The following HDAC9 variants were observed in gnomAD, a reference collection of about 807,000 sequenced individuals.
HDAC9 encodes the protein histone deacetylase 9.
In HDAC9, 41 loss-of-function variants were observed where a neutral mutation model predicts 139.4. The observed-to-expected ratio is 0.29, with a 90% confidence interval of 0.23 to 0.38. HDAC9 has a LOEUF of 0.38. HDAC9 is among the 10% of genes least tolerant of loss of function. HDAC9 has a pLI of 1.00. For synonymous variants in HDAC9, 517 were observed against 476.2 expected (o/e 1.09, Z -1.12); for missense variants, 1,147 against 1,297.0 (o/e 0.88, Z 1.78).
intron 22 of HDAC9, among the ~76,000 whole-genome samples, chr7:18,897,618 A>C (rs1395541605): frequency 6.6e-6 from 1 of 151,814 alleles, no homozygotes; most frequent in Non-Finnish European, 1.5e-5. Context: ...GATCTTGCTA[A>C]ACTGCTTGAT....
chr7:18,840,570 C>T (rs1029118789), intron 21 of HDAC9, among the ~76,000 whole-genome samples: 6 of 151,964 alleles, frequency 3.9e-5, no homozygotes, highest in South Asian at 2.1e-4. Flanking sequence ...TGTATTTAAT[C>T]GAAATGCTAT....
In HDAC9 at chr7:18,136,244, T is replaced by G. The variant is rs534923982; in HGVS notation, c.-96-25985T>G. Among the ~76,000 whole-genome samples the G allele has an allele frequency of 2.3e-3, 340 of 150,654 alleles. 1 individual carries two copies. In the East Asian group the frequency reaches 0.032, roughly 14 times the overall value. ...GTAGGTTGCGAAAATTTTCTCCCATTTTGTAGGTTGCCTGTTCACTCTGAT... is the reference window on the plus strand; with the variant it reads ...GTAGGTTGCGAAAATTTTCTCCCATGTTGTAGGTTGCCTGTTCACTCTGAT... On this transcript the variant is annotated intron_variant, in intron 1 of 12. Coordinates refer to the HDAC9 transcript ENST00000417496.
At chr7:18,819,153 A>G (rs1420959155) in intron 17 of HDAC9, among the ~76,000 whole-genome samples, 1 of 152,124 alleles carries the variant, frequency 6.6e-6, no homozygotes, top group Non-Finnish European at 1.5e-5. Context: ...TATGGTGCGC[A>G]CTTGCAATCC....
intron 12 of HDAC9, among the ~76,000 whole-genome samples, chr7:18,720,089 T>C (rs1785030270): frequency 6.6e-6 from 1 of 152,144 alleles, no homozygotes; most frequent in South Asian, 2.1e-4. Context: ...TCTTCCTATA[T>C]TAGGATATCT....
chr7:18,990,858 C>A lies in HDAC9; in HGVS notation c.3171-5165C>A, dbSNP rs569939714. ...TTGACTAGGAAAGAGAACTCCCTGGCCCCTTGTGCTTCCCAAGTGAGGCAA... is the reference window on the plus strand; with the variant it reads ...TTGACTAGGAAAGAGAACTCCCTGGACCCTTGTGCTTCCCAAGTGAGGCAA... On this transcript the variant is annotated intron_variant, in intron 25 of 25. Transcript: ENST00000686413. Among the ~76,000 whole-genome samples the A allele has an allele frequency of 2.6e-5, 4 of 152,374 alleles. No homozygotes were observed. In the South Asian group the frequency reaches 8.3e-4, roughly 32 times the overall value.
At chr7:18,142,399 C>G (rs2128110850) in intron 1 of HDAC9, among the ~76,000 whole-genome samples, 1 of 152,276 alleles carries the variant, frequency 6.6e-6, no homozygotes, top group East Asian at 1.9e-4. Flanking sequence ...AATTTTCATT[C>G]TTATCCCTGA....
intron 2 of HDAC9, among the ~76,000 whole-genome samples, chr7:18,193,629 A>G (rs1414069388): frequency 6.6e-6 from 1 of 152,246 alleles, no homozygotes; most frequent in Admixed American, 6.5e-5. Flanking sequence ...GTCCTGCAAT[A>G]TAAAGCTCAC....
chr7:18,706,568 T>C (rs1346627050), intron 12 of HDAC9, among the ~76,000 whole-genome samples: 1 of 152,222 alleles, frequency 6.6e-6, no homozygotes. Flanking sequence ...AACAAAGAAC[T>C]CCTGCCCTTG....
intron 1 of HDAC9, among the ~76,000 whole-genome samples, chr7:18,338,548 T>C (rs891203477): frequency 3.3e-5 from 5 of 151,682 alleles, no homozygotes; most frequent in Admixed American, 6.6e-5. Context: ...CTACTTCTAC[T>C]GAAAAGTCAT....
intron 2 of HDAC9, among the ~76,000 whole-genome samples, chr7:18,505,677 A>G (rs996362324): frequency 2.0e-5 from 3 of 152,134 alleles, no homozygotes; most frequent in African/African-American, 4.8e-5. Context: ...TACTAATCCA[A>G]TTATGCAAAA....
intron 12 of HDAC9, among the ~76,000 whole-genome samples, chr7:18,726,805 G>T (rs1192077351): frequency 6.6e-6 from 1 of 151,630 alleles, no homozygotes; most frequent in Non-Finnish European, 1.5e-5. Flanking sequence ...GTGTAGCATT[G>T]ATGATTAAAT....
At chr7:18,898,809 T>G (rs1020901921) in intron 22 of HDAC9, among the ~76,000 whole-genome samples, 12 of 151,926 alleles carry the variant, frequency 7.9e-5, no homozygotes, top group African/African-American at 2.9e-4. Context: ...GATTGCATAG[T>G]GGACATTTTC....
At chr7:18,943,184 A>G (rs1447326694) in intron 23 of HDAC9, among the ~76,000 whole-genome samples, 2 of 152,020 alleles carry the variant, frequency 1.3e-5, no homozygotes, top group African/African-American at 4.8e-5. Flanking sequence ...TTATGTTGGA[A>G]AACTACACAT....
intron 19 of HDAC9, among the ~76,000 whole-genome samples, chr7:18,832,805 G>A (rs926800516): frequency 1.3e-5 from 2 of 151,796 alleles, no homozygotes; most frequent in African/African-American, 4.8e-5. Context: ...GCACGATCTC[G>A]GCTCACCGCA....
intron 22 of HDAC9, among the ~76,000 whole-genome samples, chr7:18,877,375 G>A (rs1799397553): frequency 6.6e-6 from 1 of 152,146 alleles, no homozygotes; most frequent in African/African-American, 2.4e-5. Flanking sequence ...TCTTGTTCAG[G>A]AAGTCATCCT....
At chr7:18,892,248 T>A (rs1301366624) in intron 22 of HDAC9, 1 of 152,208 alleles carries the variant, frequency 6.6e-6, no homozygotes, top group African/African-American at 2.4e-5. Flanking sequence ...GGTTTAAAAT[T>A]CTCTATCTAG....
intron 1 of HDAC9, among the ~76,000 whole-genome samples, chr7:18,308,615 G>C (rs1799088869): frequency 6.6e-6 from 1 of 152,054 alleles, no homozygotes; most frequent in African/African-American, 2.4e-5. Context: ...TGTCTGACCT[G>C]GAAAGAATGT....
intron 2 of HDAC9, among the ~76,000 whole-genome samples, chr7:18,565,266 G>A (rs1010266527): frequency 6.6e-6 from 1 of 152,176 alleles, no homozygotes; most frequent in Non-Finnish European, 1.5e-5. Flanking sequence ...AAAGTGTTGG[G>A]ATTACAGGCG....
At chr7:18,260,260 G>T (rs1174191781) in intron 2 of HDAC9, among the ~76,000 whole-genome samples, 1 of 150,286 alleles carries the variant, frequency 6.7e-6, no homozygotes, top group Non-Finnish European at 1.5e-5. Context: ...TATTGCTGTT[G>T]AGAGGGCTAG....
Sources: gnomAD v4.1 joint callset for allele counts (sites outside exome capture counted in the v4.1 genomes callset) on GRCh38, gnomAD v4.1.1 for gene constraint, MANE v1.5 for transcripts, NCBI Gene and HGNC (gene_info 2026-07-23, HGNC 2026-07-21) for gene names.